GTF2IRD1: variants seen among roughly 807,000 people sequenced by gnomAD.
GTF2IRD1 encodes the protein GTF2I repeat domain containing 1, also known as general transcription factor II-I repeat domain-containing protein 1.
GTF2IRD1 carries 26 observed loss-of-function variants against 113.2 expected under a neutral mutation model. The observed-to-expected ratio is 0.23, with a 90% CI of 0.17 to 0.32. The LOEUF (loss-of-function observed/expected upper bound fraction) is 0.32, where lower values mean the gene tolerates loss of function less well. Ranked by LOEUF, GTF2IRD1 falls within the 10% of genes least tolerant of loss-of-function variation. The pLI, the probability that GTF2IRD1 is intolerant of heterozygous loss-of-function variation, is 1.00. For synonymous variants in GTF2IRD1, 484 were observed against 529.1 expected (o/e 0.91, Z 1.17); for missense variants, 864 against 1,280.8 (o/e 0.67, Z 4.97).
chr7:74,536,366 C>G lies in GTF2IRD1; in HGVS notation c.1409+91C>G, dbSNP rs191058865. 1.4e-3 allele frequency: 990 copies of G among 713,452 alleles called. 6 individuals are homozygous for G. The African/African-American group carries it at 0.015, about 11-fold the overall frequency. 44.2% of individuals were successfully genotyped at this position (713,452 alleles called of 1,614,324 possible). A position where few individuals can be genotyped will look rare whatever the true frequency, so the allele number is the denominator to read the frequency against. Reference sequence around the variant, plus strand: ...CTGCAAGGGGGTACCCAGGGCGGCTCCCACCACACCACCACCCCTCGAAGG... The same window carrying G: ...CTGCAAGGGGGTACCCAGGGCGGCTGCCACCACACCACCACCCCTCGAAGG... On this transcript the variant is annotated intron_variant, in intron 11 of 26. Coordinates refer to ENST00000424337, the MANE Select transcript of GTF2IRD1 (RefSeq NM_005685.4).
At position 74,545,823 on chromosome 7, in the gene GTF2IRD1, G is replaced by A; in HGVS notation, c.1732+14G>A. 1.2e-6 allele frequency: 2 copies of A among 1,605,054 alleles called. No homozygotes were observed. Among genetic ancestry groups the A allele is most frequent in the Non-Finnish European group, 1.7e-6 (2 of 1,171,836 alleles). ...ACACACGATACGGTGAGCAAGAAGT[G>A]GGACAGGGTCTGGGGGCATCCCGGC... On this transcript the variant is annotated intron_variant, in intron 16 of 26. Coordinates refer to ENST00000424337, the MANE Select transcript of GTF2IRD1 (RefSeq NM_005685.4).
At chr7:74,471,690 C>A (rs6958666) in intron 1 of GTF2IRD1, among the ~76,000 whole-genome samples, 4,190 of 39,710 alleles carry the variant, frequency 0.11, 72 homozygotes, top group Middle Eastern at 0.19. Flanking sequence ...AAAAAAAAAA[C>A]AAAAAAAAAA....
At chr7:74,485,475 G>T (rs1794968923) in intron 1 of GTF2IRD1, among the ~76,000 whole-genome samples, 1 of 152,068 alleles carries the variant, frequency 6.6e-6, no homozygotes, top group East Asian at 1.9e-4. Flanking sequence ...AAATTAGCTG[G>T]GCGTGGTGGC....
chr7:74,457,122 C>G (rs1369826352), intron 1 of GTF2IRD1, among the ~76,000 whole-genome samples: 1 of 152,000 alleles, frequency 6.6e-6, no homozygotes, highest in Non-Finnish European at 1.5e-5. Flanking sequence ...TCACAAGTAG[C>G]TGGGACCGCA....
At chr7:74,547,007 TG>T in intron 16 of GTF2IRD1, 95 bp from the exon 17 acceptor site, 2 of 1,128,800 alleles carry the variant, frequency 1.8e-6, no homozygotes, top group Non-Finnish European at 2.6e-6. Context: ...AAAAGGGCTC[TG>T]GCAGCTTTGC....
intron 22 of GTF2IRD1, among the ~76,000 whole-genome samples, chr7:74,574,146 G>A (rs1034423475): frequency 7.4e-6 from 1 of 135,722 alleles, no homozygotes; most frequent in Non-Finnish European, 1.6e-5. Context: ...ACCACACCAA[G>A]CTAATTTTTT....
chr7:74,495,982 A>G (rs1795637076), intron 1 of GTF2IRD1, among the ~76,000 whole-genome samples: 1 of 152,084 alleles, frequency 6.6e-6, no homozygotes, highest in Admixed American at 6.5e-5. Flanking sequence ...CTGCATTCAG[A>G]CTGTGCTGGG....
intron 24 of GTF2IRD1, among the ~76,000 whole-genome samples, chr7:74,593,772 C>CA (rs1554370953): frequency 6.7e-6 from 1 of 149,796 alleles, no homozygotes; most frequent in African/African-American, 2.5e-5. Flanking sequence ...AGTGTGGTGG[C>CA]ATGTGCCTGT....
chr7:74,455,413 G>A (rs563574848), intron 1 of GTF2IRD1, among the ~76,000 whole-genome samples: 28 of 152,342 alleles, frequency 1.8e-4, no homozygotes, highest in Non-Finnish European at 3.2e-4. Flanking sequence ...TGGCTGCCCC[G>A]TGGCCAGGAC....
At chr7:74,523,724 G>GA (rs587621861) in intron 7 of GTF2IRD1, among the ~76,000 whole-genome samples, 77 of 146,266 alleles carry the variant, frequency 5.3e-4, no homozygotes, top group Non-Finnish European at 7.3e-4. Flanking sequence ...CCATCTAAAG[G>GA]AAAAAAAAAA....
At chr7:74,455,003 G>C (rs1372221297) in intron 1 of GTF2IRD1, among the ~76,000 whole-genome samples, 3 of 152,162 alleles carry the variant, frequency 2.0e-5, no homozygotes, top group Admixed American at 6.5e-5. Flanking sequence ...TGCCTCGCCT[G>C]GCGTGGGCCC....
At chr7:74,483,178 C>T (rs782171389) in intron 1 of GTF2IRD1, among the ~76,000 whole-genome samples, 2 of 152,082 alleles carry the variant, frequency 1.3e-5, no homozygotes, top group Non-Finnish European at 2.9e-5. Flanking sequence ...TAGCTCAGTG[C>T]TGTGATGCTA....
intron 1 of GTF2IRD1, among the ~76,000 whole-genome samples, chr7:74,499,109 T>C (rs1554338787): frequency 6.6e-6 from 1 of 152,130 alleles, no homozygotes; most frequent in African/African-American, 2.4e-5. Context: ...AGCAGCCTCT[T>C]GGTAGGTGTT....
At position 74,517,425 on chromosome 7, in the gene GTF2IRD1, A is replaced by AT. The variant is rs1227550589; in HGVS notation, c.422-714_422-713insT. Reference sequence around the variant, plus strand: ...TCGGTCTCTCTCCCTTCCTCCCTACACCTTTTTTTTTTTTTTTTTTTTTTT... The same window carrying AT: ...TCGGTCTCTCTCCCTTCCTCCCTACATCCTTTTTTTTTTTTTTTTTTTTTTT... On this transcript the variant is annotated intron_variant, in intron 4 of 26. Transcript: ENST00000424337. Among the ~76,000 whole-genome samples, 185 of 86,186 alleles carry AT rather than the reference A, an allele frequency of 2.1e-3. 4 individuals carry two copies. Among genetic ancestry groups the AT allele is most frequent in the African/African-American group, 8.3e-3 (165 of 19,976 alleles). 56.5% of individuals were successfully genotyped at this position (86,186 alleles called of 152,430 possible).
chr7:74,577,236 G>A (rs782079083), intron 22 of GTF2IRD1, among the ~76,000 whole-genome samples: 8 of 151,932 alleles, frequency 5.3e-5, no homozygotes, highest in East Asian at 1.9e-4. Context: ...ACGGGATTTC[G>A]CCATGTTGGC....
At chr7:74,594,831 A>C (rs1802307827) in intron 24 of GTF2IRD1, among the ~76,000 whole-genome samples, 183 bp from the exon 25 acceptor site, 1 of 151,902 alleles carries the variant, frequency 6.6e-6, no homozygotes, top group Non-Finnish European at 1.5e-5. Flanking sequence ...GGGCGCCTGT[A>C]GTCCCAGCTA....
chr7:74,533,638 G>T (rs930193032), intron 9 of GTF2IRD1, among the ~76,000 whole-genome samples: 3 of 152,134 alleles, frequency 2.0e-5, no homozygotes, highest in Non-Finnish European at 4.4e-5. Context: ...ACCTCACCTA[G>T]CTCACTGCTC....
intron 1 of GTF2IRD1, among the ~76,000 whole-genome samples, 152 bp downstream of exon 1, chr7:74,454,328 C>T (rs1394756006): frequency 1.3e-5 from 2 of 149,290 alleles, no homozygotes; most frequent in African/African-American, 4.9e-5. Flanking sequence ...TTTGGGTGCC[C>T]GGGGAGGCAC....
chr7:74,470,433 C>G (rs967391765), intron 1 of GTF2IRD1, among the ~76,000 whole-genome samples: 1 of 152,128 alleles, frequency 6.6e-6, no homozygotes, highest in Admixed American at 6.5e-5. Flanking sequence ...CCCCAGCACC[C>G]CCCACTCCAG....
Sources: allele counts gnomAD v4.1 joint callset (sites outside exome capture counted in the v4.1 genomes callset), GRCh38; gene constraint gnomAD v4.1.1; transcripts MANE v1.5; gene names NCBI Gene and HGNC (gene_info 2026-07-23, HGNC 2026-07-21).